CDYL2: variants seen among roughly 807,000 people sequenced by gnomAD.
The protein encoded by CDYL2 is chromodomain Y-like protein 2.
In CDYL2, 23 loss-of-function variants were observed where a neutral mutation model predicts 49.4. The observed-to-expected ratio is 0.47, with a 90% CI of 0.34 to 0.66. The LOEUF (loss-of-function observed/expected upper bound fraction) is 0.66. Among genes scored for constraint, CDYL2 ranks in the 30% least tolerant of loss-of-function variants. CDYL2 has a pLI of 0.01. For synonymous variants in CDYL2, 360 were observed against 268.8 expected (o/e 1.34, Z -3.32); for missense variants, 678 against 656.4 (o/e 1.03, Z -0.36).
At chr16:80,798,879 A>G (rs1336323437) in intron 1 of CDYL2, among the ~76,000 whole-genome samples, 1 of 152,190 alleles carries the variant, frequency 6.6e-6, no homozygotes, top group Non-Finnish European at 1.5e-5. Flanking sequence ...TACAAATGGA[A>G]ACTATCTAGA....
intron 5 of CDYL2, among the ~76,000 whole-genome samples, chr16:80,610,197 A>T (rs1455045226): frequency 6.6e-6 from 1 of 152,252 alleles, no homozygotes; most frequent in African/African-American, 2.4e-5. Flanking sequence ...AGAGATGAGA[A>T]GAATGGGCTT....
intron 2 of CDYL2, among the ~76,000 whole-genome samples, chr16:80,640,850 G>A (rs771096458): frequency 2.0e-4 from 31 of 152,128 alleles, no homozygotes; most frequent in Non-Finnish European, 4.0e-4. Context: ...TTGAACAAGC[G>A]TAAGAAAGAA....
rs375436035 is a variant in CDYL2 at position 80,620,942 on chromosome 16, G to A, written c.835-7C>T. On this transcript the variant is annotated splice_polypyrimidine_tract_variant and splice_region_variant and intron_variant, in intron 3 of 6. Transcript: ENST00000570137. ...GCCGGACTTCTTTCATGATCTGCCG[G>A]CAGAGATGAATTTGCAGGGATGTTA... 3 of 1,586,202 alleles carry A rather than the reference G, an allele frequency of 1.9e-6. No homozygotes were observed. The highest frequency in any genetic ancestry group is 2.6e-6 in the Non-Finnish European group (3 of 1,162,046).
At chr16:80,782,716 T>C (rs996410567) in intron 1 of CDYL2, among the ~76,000 whole-genome samples, 1 of 151,870 alleles carries the variant, frequency 6.6e-6, no homozygotes. Flanking sequence ...AAATGTAATA[T>C]GTCACATGAG....
chr16:80,645,715 G>C (rs1332928581), intron 2 of CDYL2, among the ~76,000 whole-genome samples: 1 of 152,014 alleles, frequency 6.6e-6, no homozygotes, highest in African/African-American at 2.4e-5. Context: ...ATTCACAATA[G>C]CAAAGACTTG....
chr16:80,679,323 T>C (rs1909882537), intron 2 of CDYL2, among the ~76,000 whole-genome samples: 1 of 151,910 alleles, frequency 6.6e-6, no homozygotes, highest in Non-Finnish European at 1.5e-5. Flanking sequence ...AAGAAGTACA[T>C]CCTGTACCAC....
At chr16:80,796,996 C>A (rs1907785697) in intron 1 of CDYL2, among the ~76,000 whole-genome samples, 1 of 152,154 alleles carries the variant, frequency 6.6e-6, no homozygotes, top group Admixed American at 6.5e-5. Context: ...ATACCAGCAA[C>A]ACCTCTTTTT....
chr16:80,620,804 G>T lies in CDYL2; in HGVS notation c.966C>A (p.Ser322Arg), dbSNP rs571363904. 14 of 1,610,170 alleles carry T rather than the reference G, an allele frequency of 8.7e-6. No individual in the cohort carries two copies. Among genetic ancestry groups the T allele is most frequent in the Non-Finnish European group, 1.1e-5 (13 of 1,177,514 alleles). Residue 322 changes from serine (S) to arginine (R), a missense_variant, in exon 4 of 7, where the codon AGC becomes AGA. Physicochemically the swap from Ser to Arg is moderately radical, Grantham distance 110. Coordinates refer to ENST00000570137, the MANE Select transcript of CDYL2 (RefSeq NM_152342.4). ...DYSYLIGRLS[S>R]DRRKESTRIA... is the part of the protein sequence containing the mutation. ...TCCGAGTGCTCTCCTTTCGCCGGTC[G>T]CTGGACAACCGGCCAATTAGGTAGG...
intron 1 of CDYL2, among the ~76,000 whole-genome samples, chr16:80,688,316 G>A (rs998796446): frequency 2.0e-5 from 3 of 152,190 alleles, no homozygotes; most frequent in Admixed American, 6.5e-5. Flanking sequence ...AGCCTGGTAT[G>A]TGGAGGAAGA....
intron 1 of CDYL2, among the ~76,000 whole-genome samples, chr16:80,787,477 T>C (rs977874581): frequency 3.3e-5 from 5 of 152,156 alleles, no homozygotes; most frequent in African/African-American, 1.2e-4. Flanking sequence ...GGTGAGAAAT[T>C]AGACTTGACA....
At chr16:80,653,072 ATACTAATG>A (rs1908653431) in intron 2 of CDYL2, among the ~76,000 whole-genome samples, 1 of 152,240 alleles carries the variant, frequency 6.6e-6, no homozygotes, top group Admixed American at 6.5e-5. Flanking sequence ...AAAAAAAATC[ATACTAATG>A]TAAGATGTTC....
At chr16:80,623,740 C>G (rs947726670) in intron 3 of CDYL2, among the ~76,000 whole-genome samples, 1 of 152,126 alleles carries the variant, frequency 6.6e-6, no homozygotes, top group African/African-American at 2.4e-5. Context: ...GAGAAGTTTG[C>G]AAGTATGGGG....
intron 2 of CDYL2, among the ~76,000 whole-genome samples, chr16:80,674,656 T>G (rs1395044254): frequency 2.0e-5 from 3 of 152,214 alleles, no homozygotes; most frequent in Non-Finnish European, 4.4e-5. Context: ...CTAATCTACT[T>G]TCTGTCTCTA....
At position 80,783,936 on chromosome 16, in the gene CDYL2, G is replaced by A. The variant is rs532036551; in HGVS notation, c.24+20214C>T. Among the ~76,000 whole-genome samples the A allele has an allele frequency of 1.9e-4, 29 of 152,258 alleles. No homozygotes were observed. The South Asian group carries it at 2.3e-3, about 12-fold the overall frequency. On this transcript the variant is annotated intron_variant, in intron 1 of 6. Transcript: ENST00000570137. ...GACACTTAATAGGCATGCGGTTTCC[G>A]CTACATAAAAAATGAACATTGAAAA...
chr16:80,783,141 A>G (rs1354966968), intron 1 of CDYL2, among the ~76,000 whole-genome samples: 1 of 152,202 alleles, frequency 6.6e-6, no homozygotes, highest in Non-Finnish European at 1.5e-5. Context: ...TTTTCAAATC[A>G]TGTATCTGAA....
intron 1 of CDYL2, among the ~76,000 whole-genome samples, chr16:80,759,102 C>CTATATATATATATATATATA (rs59240300): frequency 1.6e-4 from 10 of 63,364 alleles, no homozygotes; most frequent in East Asian, 6.2e-4. Context: ...AAACCATATA[C>CTATATATATATATATATATA]TATATATATA....
chr16:80,757,233 C>T (rs984582078), intron 1 of CDYL2, among the ~76,000 whole-genome samples: 1 of 152,036 alleles, frequency 6.6e-6, no homozygotes, highest in Non-Finnish European at 1.5e-5. Flanking sequence ...ACATAGCAGG[C>T]TATAAAATAA....
chr16:80,698,158 G>A (rs28842293), intron 1 of CDYL2, among the ~76,000 whole-genome samples: 85,509 of 151,974 alleles, frequency 0.56, 24,882 homozygotes, highest in Middle Eastern at 0.72. Context: ...CTAAAAATCT[G>A]TAGTAACCAA....
intron 3 of CDYL2, among the ~76,000 whole-genome samples, chr16:80,623,172 A>T (rs923940970): frequency 1.3e-5 from 2 of 151,762 alleles, no homozygotes; most frequent in Non-Finnish European, 2.9e-5. Context: ...GTGGCCAGAA[A>T]TGCAGAGTCT....
Sources: gnomAD v4.1 joint callset for allele counts (sites outside exome capture counted in the v4.1 genomes callset) on GRCh38, gnomAD v4.1.1 for gene constraint, MANE v1.5 for transcripts, NCBI Gene and HGNC (gene_info 2026-07-23, HGNC 2026-07-21) for gene names.